Variants in ITGA9 observed in about 807,000 individuals in gnomAD.
ITGA9 encodes the protein integrin subunit alpha 9.
ITGA9 carries 56 observed loss-of-function variants against 127.8 expected under a neutral mutation model. That is an observed-to-expected ratio of 0.44 (90% CI 0.35 to 0.55). The LOEUF (loss-of-function observed/expected upper bound fraction) is 0.55, where lower values mean the gene tolerates loss of function less well. Ranked by LOEUF, ITGA9 falls within the 20% of genes least tolerant of loss-of-function variation. The pLI is 0.00. For missense variants in ITGA9, 1,196 were observed against 1,347.1 expected (o/e 0.89, Z 1.76); for synonymous variants, 508 against 514.5 (o/e 0.99, Z 0.17).
At chr3:37,817,532 T>C (rs1322580433) in intron 27 of ITGA9, among the ~76,000 whole-genome samples, 1 of 152,202 alleles carries the variant, frequency 6.6e-6, no homozygotes, top group Non-Finnish European at 1.5e-5. Flanking sequence ...ATGGGGAAAC[T>C]GGTAGAACGT....
At chr3:37,585,600 T>C (rs924540536) in intron 15 of ITGA9, 2 of 514,520 alleles carry the variant, frequency 3.9e-6, no homozygotes, top group African/African-American at 1.9e-5. Flanking sequence ...ATCTCCCAGA[T>C]GTGATTTATG....
intron 1 of ITGA9, among the ~76,000 whole-genome samples, chr3:37,468,359 C>CCAATTCTT (rs1338984531): frequency 6.6e-6 from 1 of 152,050 alleles, no homozygotes; most frequent in African/African-American, 2.4e-5. Context: ...TTTGTACCCT[C>CCAATTCTT]CAATTCTTCA....
chr3:37,580,438 A>AT (rs1699699138), intron 15 of ITGA9, among the ~76,000 whole-genome samples: 1 of 152,178 alleles, frequency 6.6e-6, no homozygotes, highest in African/African-American at 2.4e-5. Flanking sequence ...TGACTGGCTG[A>AT]TTCACTTTGT....
chr3:37,501,417 A>G (rs1043416824), intron 5 of ITGA9, among the ~76,000 whole-genome samples: 1 of 152,228 alleles, frequency 6.6e-6, no homozygotes, highest in Non-Finnish European at 1.5e-5. Context: ...AATTTTAAAA[A>G]GTCAAGATTA....
chr3:37,584,579 A>G (rs1010967163), intron 15 of ITGA9, among the ~76,000 whole-genome samples: 15 of 151,702 alleles, frequency 9.9e-5, no homozygotes, highest in Non-Finnish European at 1.8e-4. Flanking sequence ...ACGCGATGAA[A>G]CCCCATCTCT....
chr3:37,755,394 G>T (rs1696639565), intron 23 of ITGA9, among the ~76,000 whole-genome samples: 1 of 152,084 alleles, frequency 6.6e-6, no homozygotes, highest in African/African-American at 2.4e-5. Flanking sequence ...TCACCCACCA[G>T]AGGAGGAGCA....
In ITGA9 at chr3:37,628,902, G is replaced by A. The variant is rs113756682; in HGVS notation, c.1690-285G>A. ...GTTTCTAAGAATATTTGGAGGATGA[G>A]TAAAGTAATGTCTTCCATATGCTCA... On this transcript the variant is annotated intron_variant, in intron 15 of 27. Coordinates refer to ENST00000264741, the MANE Select transcript of ITGA9 (RefSeq NM_002207.3). Among the ~76,000 whole-genome samples, 131 of 152,328 alleles carry A rather than the reference G, an allele frequency of 8.6e-4. 1 individual carries two copies. Among genetic ancestry groups the A allele is most frequent in the African/African-American group, 3.0e-3 (126 of 41,564 alleles).
chr3:37,767,044 G>A (rs1429941944), intron 23 of ITGA9, among the ~76,000 whole-genome samples: 1 of 152,236 alleles, frequency 6.6e-6, no homozygotes, highest in Non-Finnish European at 1.5e-5. Flanking sequence ...CAGCCTGGTG[G>A]TGGTGGCCTG....
In ITGA9 at chr3:37,799,380, T is replaced by A. The variant is rs1697210713; in HGVS notation, c.2890-4443T>A. Reference sequence around the variant, plus strand: ...TTTTAGTAGACACGAGGTTTCACCATGTTGGCCAGACTGGTCAAGTATGAA... The same window carrying A: ...TTTTAGTAGACACGAGGTTTCACCAAGTTGGCCAGACTGGTCAAGTATGAA... On this transcript the variant is annotated intron_variant, in intron 26 of 27. Coordinates refer to ENST00000264741, the MANE Select transcript of ITGA9 (RefSeq NM_002207.3). The surrounding 1 kb of genome is among the most constrained non-coding windows in gnomAD (Gnocchi z 4.0). Among the ~76,000 whole-genome samples, 1 of 152,116 alleles carries A rather than the reference T, an allele frequency of 6.6e-6. No homozygotes were observed. The highest frequency in any genetic ancestry group is 2.1e-4 in the South Asian group (1 of 4,812).
intron 18 of ITGA9, among the ~76,000 whole-genome samples, chr3:37,684,759 G>A (rs988913325): frequency 1.3e-5 from 2 of 152,156 alleles, no homozygotes; most frequent in Non-Finnish European, 2.9e-5. Context: ...GTGACCCACC[G>A]CCCCTGGCCT....
At chr3:37,642,249 G>A (rs1340356694) in intron 16 of ITGA9, among the ~76,000 whole-genome samples, 1 of 152,174 alleles carries the variant, frequency 6.6e-6, no homozygotes, top group Admixed American at 6.5e-5. Context: ...CATGGCCTTA[G>A]CTGCCTATTT....
At chr3:37,484,543 A>G (rs1698589939) in intron 4 of ITGA9, among the ~76,000 whole-genome samples, 1 of 152,154 alleles carries the variant, frequency 6.6e-6, no homozygotes, top group South Asian at 2.1e-4. Flanking sequence ...GTTAAAGACA[A>G]TGGGAAGATT....
At chr3:37,541,675 C>T (rs921306110) in intron 14 of ITGA9, among the ~76,000 whole-genome samples, 8 of 152,116 alleles carry the variant, frequency 5.3e-5, no homozygotes, top group African/African-American at 1.4e-4. Context: ...CAGGCCCTAC[C>T]GTGGTCATAG....
chr3:37,471,823 G>A (rs866723954), intron 2 of ITGA9, among the ~76,000 whole-genome samples: 3 of 152,292 alleles, frequency 2.0e-5, no homozygotes, highest in African/African-American at 7.2e-5. Context: ...GGAGGCTGAG[G>A]TGGGCACATT....
rs776785640 is a variant in ITGA9, at chr3:37,629,346, T to C, written c.1839+10T>C. 1.9e-6 allele frequency: 3 copies of C among 1,613,818 alleles called. No individual in the cohort carries two copies. Among genetic ancestry groups the C allele is most frequent in the Non-Finnish European group, 2.5e-6 (3 of 1,179,918 alleles). ...TGCCCAAAAGAATCAGGTCAGAACCTTAAAGCTCATACTCAGCACCCAAGG... is the reference window on the plus strand; with the variant it reads ...TGCCCAAAAGAATCAGGTCAGAACCCTAAAGCTCATACTCAGCACCCAAGG... On this transcript the variant is annotated intron_variant, in intron 16 of 27. Transcript: ENST00000264741. The surrounding 1 kb of genome is among the most constrained non-coding windows in gnomAD (Gnocchi z 4.5).
At chr3:37,532,780 A>G (rs867173336) in intron 13 of ITGA9, among the ~76,000 whole-genome samples, 1 of 152,208 alleles carries the variant, frequency 6.6e-6, no homozygotes, top group South Asian at 2.1e-4. Flanking sequence ...GACTCCACTT[A>G]TCAAGTTCTT....
chr3:37,468,878 C>T (rs115249457), intron 1 of ITGA9, among the ~76,000 whole-genome samples: 36 of 152,324 alleles, frequency 2.4e-4, no homozygotes, highest in Non-Finnish European at 4.9e-4. Context: ...CGCCTGTTCT[C>T]ACTAAGAAGT....
At chr3:37,648,150 T>C (rs1411797311) in intron 16 of ITGA9, among the ~76,000 whole-genome samples, 2 of 152,216 alleles carry the variant, frequency 1.3e-5, no homozygotes, top group African/African-American at 4.8e-5. Context: ...CAACAATGTA[T>C]AAGGGTTCCC....
At chr3:37,771,230 T>C (rs1197788661) in intron 23 of ITGA9, among the ~76,000 whole-genome samples, 1 of 152,202 alleles carries the variant, frequency 6.6e-6, no homozygotes, top group African/African-American at 2.4e-5. Context: ...TTGTTGGTCA[T>C]TGGCCGGGGA....
Sources: gnomAD v4.1 joint callset for allele counts (sites outside exome capture counted in the v4.1 genomes callset) on GRCh38, gnomAD v4.1.1 for gene constraint, Gnocchi (gnomAD v3.1) non-coding constraint, MANE v1.5 for transcripts, NCBI Gene and HGNC (gene_info 2026-07-23, HGNC 2026-07-21) for gene names.